The following CLDN1 variants were observed in gnomAD, a reference collection of about 807,000 sequenced individuals.
CLDN1 encodes claudin-1.
Under a neutral mutation model 22.6 loss-of-function variants are expected in CLDN1, and 12 were observed. The observed-to-expected ratio is 0.53, with a 90% confidence interval of 0.34 to 0.86. The LOEUF (loss-of-function observed/expected upper bound fraction) is 0.86, where lower values mean the gene tolerates loss of function less well. Ranked by LOEUF, CLDN1 falls within the 40% of genes least tolerant of loss-of-function variation. The probability of loss-of-function intolerance (pLI) is 0.02; values close to 1 mark genes in which losing one functional copy is unlikely to be tolerated. For missense variants in CLDN1, 250 were observed against 269.5 expected, an observed-to-expected ratio of 0.93 and a Z score of 0.51; for synonymous variants, 99 against 103.8, an observed-to-expected ratio of 0.95 and a Z score of 0.28.
intron 3 of CLDN1, 81 bp downstream of exon 3, chr3:190,310,088 G>A: frequency 4.5e-6 from 5 of 1,117,414 alleles, no homozygotes; most frequent in African/African-American, 1.5e-5. Context: ...TCTGGGAAAT[G>A]ATGGCACTAG....
At chr3:190,320,891 G>A (rs570617737) in intron 1 of CLDN1, among the ~76,000 whole-genome samples, 1 of 152,214 alleles carries the variant, frequency 6.6e-6, no homozygotes, top group South Asian at 2.1e-4. Context: ...TACTCCAGCC[G>A]TGAATCATTA....
rs759044056 is a variant in CLDN1 at position 190,310,757 on chromosome 3, T to C, written c.389-504A>G. Among the ~76,000 whole-genome samples, 5 of 152,156 alleles carry C rather than the reference T, an allele frequency of 3.3e-5. No homozygotes were observed. The East Asian group carries it at 7.7e-4, about 23-fold the overall frequency. Reference sequence around the variant, plus strand: ...GGACATGTCTCAGAATGGACCAGAATACCTGCATTACTACTGCCCCATTGG... The same window carrying C: ...GGACATGTCTCAGAATGGACCAGAACACCTGCATTACTACTGCCCCATTGG... On this transcript the variant is annotated intron_variant, in intron 2 of 3. Transcript: ENST00000295522.
At position 190,305,913 on chromosome 3, in the gene CLDN1, C is replaced by T. The variant is rs1264780071; in HGVS notation, c.*2364G>A. On this transcript the variant is annotated 3_prime_UTR_variant, in exon 4 of 4. Transcript: ENST00000295522. ...TGTAATGTTTGGTAACTGATATCCA[C>T]ATGGAATTACACTCACACATCATGA... 2 of 152,170 alleles carry T rather than the reference C, an allele frequency of 1.3e-5. No individual in the cohort carries two copies. The highest frequency in any genetic ancestry group is 4.8e-5 in the African/African-American group (2 of 41,454). 9.4% of individuals were successfully genotyped at this position (152,170 alleles called of 1,614,324 possible). A position where few individuals can be genotyped will look rare whatever the true frequency, so the allele number is the denominator to read the frequency against.
At position 190,312,997 on chromosome 3, in the gene CLDN1, A is replaced by T. The variant is rs914124356; in HGVS notation, c.263T>A (p.Ile88Asn). 21 of 1,614,086 alleles carry T rather than the reference A, an allele frequency of 1.3e-5. No individual in the cohort carries two copies. The highest frequency in any genetic ancestry group is 3.3e-4 in the Middle Eastern group (2 of 6,084). ...AAAGATTGCTATCACTCCCAGGAGG[A>T]TGCCAACCACCATCAAGGCACGGGT... Reference protein sequence around the residue: ...QATRALMVVGILLGVIAIFVA... With the variant: ...QATRALMVVGNLLGVIAIFVA... Residue 88 changes from isoleucine to asparagine, a missense_variant, in exon 2 of 4, where the codon ATC becomes AAC. By Grantham distance (149) the Ile-to-Asn change is moderately radical. Transcript: ENST00000295522.
intron 1 of CLDN1, among the ~76,000 whole-genome samples, chr3:190,315,853 A>G (rs973555884): frequency 3.4e-4 from 51 of 152,146 alleles, no homozygotes; most frequent in African/African-American, 1.2e-3. Context: ...CTGGGCATCA[A>G]TCTCATGAGT....
At chr3:190,321,426 A>G (rs1716918293) in intron 1 of CLDN1, among the ~76,000 whole-genome samples, 1 of 152,204 alleles carries the variant, frequency 6.6e-6, no homozygotes, top group African/African-American at 2.4e-5. Context: ...TTATAAATTA[A>G]AAGAATCAAC....
chr3:190,316,920 T>A (rs3732923), intron 1 of CLDN1, among the ~76,000 whole-genome samples: 68,342 of 152,034 alleles, frequency 0.45, 15,951 homozygotes, highest in East Asian at 0.8. Context: ...AGGTCACTGA[T>A]AACTAGAAAC....
intron 1 of CLDN1, among the ~76,000 whole-genome samples, chr3:190,321,237 G>A (rs562703312): frequency 5.3e-4 from 81 of 152,162 alleles, no homozygotes; most frequent in African/African-American, 1.9e-3. Context: ...TGTTGCGCAG[G>A]TTATTTAGAA....
At chr3:190,315,412 G>A (rs1716738346) in intron 1 of CLDN1, among the ~76,000 whole-genome samples, 1 of 152,146 alleles carries the variant, frequency 6.6e-6, no homozygotes, top group South Asian at 2.1e-4. Context: ...AGTTTAGCAA[G>A]GTGGGCAGAA....
At chr3:190,308,464 G>A (rs756945674) in intron 3 of CLDN1, 25 bp from the exon 4 acceptor site, 2 of 1,611,050 alleles carry the variant, frequency 1.2e-6, no homozygotes, top group African/African-American at 2.7e-5. Flanking sequence ...CCATGTGCTT[G>A]TTAATCAGTG....
intron 1 of CLDN1, among the ~76,000 whole-genome samples, chr3:190,313,483 C>G (rs901911541): frequency 1.3e-5 from 2 of 152,132 alleles, no homozygotes; most frequent in Admixed American, 1.3e-4. Flanking sequence ...TAGTCACCAG[C>G]TTTACACCCC....
chr3:190,320,447 A>G (rs1716889174), intron 1 of CLDN1, among the ~76,000 whole-genome samples: 1 of 152,194 alleles, frequency 6.6e-6, no homozygotes, highest in South Asian at 2.1e-4. Flanking sequence ...TTTTCATTTT[A>G]TAAGTACAAA....
intron 3 of CLDN1, among the ~76,000 whole-genome samples, chr3:190,308,984 T>A (rs1716535623): frequency 6.6e-6 from 1 of 152,120 alleles, no homozygotes; most frequent in Admixed American, 6.6e-5. Context: ...GCAGATGTAT[T>A]AAAGCAGACA....
chr3:190,310,878 G>A (rs1009182070), intron 2 of CLDN1, among the ~76,000 whole-genome samples: 8 of 152,036 alleles, frequency 5.3e-5, no homozygotes, highest in African/African-American at 1.9e-4. Context: ...ATTTCCCATG[G>A]CATTTTATAT....
chr3:190,317,938 T>A (rs11714251), intron 1 of CLDN1, among the ~76,000 whole-genome samples: 6,942 of 152,352 alleles, frequency 0.046, 270 homozygotes, highest in South Asian at 0.1. Flanking sequence ...ATTAAGTGAA[T>A]AAATGAACTG....
At chr3:190,309,828 T>C (rs1716563197) in intron 3 of CLDN1, among the ~76,000 whole-genome samples, 1 of 152,220 alleles carries the variant, frequency 6.6e-6, no homozygotes, top group South Asian at 2.1e-4. Context: ...CTTAGGTAGG[T>C]GTTGTAAACA....
rs570470126 is a variant in CLDN1 at position 190,318,752 on chromosome 3, C to A, written c.223+3232G>T. On this transcript the variant is annotated intron_variant, in intron 1 of 3. Coordinates refer to ENST00000295522, the MANE Select transcript of CLDN1 (RefSeq NM_021101.5). ...AGTACCCTCGGTTCAGCAGGCACAA[C>A]GCATCTGGAGAAGCATAAATAGGTG... Among the ~76,000 whole-genome samples the A allele has an allele frequency of 2.6e-5, 4 of 152,294 alleles. No homozygotes were observed. The East Asian group carries it at 5.8e-4, about 22-fold the overall frequency.
At chr3:190,309,754 T>C (rs533557093) in intron 3 of CLDN1, among the ~76,000 whole-genome samples, 1 of 152,328 alleles carries the variant, frequency 6.6e-6, no homozygotes, top group East Asian at 1.9e-4. Context: ...GTATTATTCA[T>C]TAACCCCTAT....
In CLDN1 at chr3:190,312,865, C is replaced by G; in HGVS notation, c.388+7G>C. ...GTAAGGTGAAAGGGGGGCACAGCCT[C>G]TATTACCTGCAAGAAGAAATATCGC... On this transcript the variant is annotated splice_region_variant and intron_variant, in intron 2 of 3. Coordinates refer to ENST00000295522, the MANE Select transcript of CLDN1 (RefSeq NM_021101.5). 1 of 1,613,956 alleles carries G rather than the reference C, an allele frequency of 6.2e-7. No homozygotes were observed. Among genetic ancestry groups the G allele is most frequent in the South Asian group, 1.1e-5 (1 of 91,082 alleles).
Sources: allele counts gnomAD v4.1 joint callset (sites outside exome capture counted in the v4.1 genomes callset), GRCh38; gene constraint gnomAD v4.1.1; transcripts MANE v1.5; gene names NCBI Gene and HGNC (gene_info 2026-07-23, HGNC 2026-07-21).